Variants in CCDC172 observed in about 807,000 individuals in gnomAD.
CCDC172 encodes coiled-coil domain containing 172, also known as coiled-coil domain-containing protein 172.
Under a neutral mutation model 38.0 loss-of-function variants are expected in CCDC172, and 30 were observed. The observed-to-expected ratio is 0.79, with a 90% CI of 0.59 to 1.07. The LOEUF is 1.07. Ranked by LOEUF, CCDC172 falls within the 50% of genes least tolerant of loss-of-function variation. CCDC172 has a pLI of 0.00. For missense variants in CCDC172, 297 were observed against 290.1 expected (o/e 1.02, Z -0.17); for synonymous variants, 78 against 88.3 (o/e 0.88, Z 0.66).
intron 3 of CCDC172, among the ~76,000 whole-genome samples, chr10:116,332,979 CTTTT>C (rs1844684119): frequency 6.6e-6 from 1 of 152,006 alleles, no homozygotes; most frequent in Admixed American, 6.6e-5. Context: ...GTTGTCTTCT[CTTTT>C]TTAACACTCT....
At chr10:116,330,729 TG>T (rs1465802089) in intron 3 of CCDC172, among the ~76,000 whole-genome samples, 1 of 152,142 alleles carries the variant, frequency 6.6e-6, no homozygotes, top group African/African-American at 2.4e-5. Context: ...TTTAATTTTT[TG>T]TTTTTATTTA....
At chr10:116,325,808 T>C in intron 3 of CCDC172, among the ~76,000 whole-genome samples, 1 of 152,228 alleles carries the variant, frequency 6.6e-6, no homozygotes, top group East Asian at 1.9e-4. Flanking sequence ...TAAAAGTCTC[T>C]ACCACATTTT....
chr10:116,364,509 T>C (rs1443493158), intron 7 of CCDC172, among the ~76,000 whole-genome samples: 1 of 152,070 alleles, frequency 6.6e-6, no homozygotes, highest in Non-Finnish European at 1.5e-5. Flanking sequence ...AAGGTGTTCA[T>C]AGTAATATTA....
chr10:116,363,347 G>A (rs1845086448), intron 7 of CCDC172, among the ~76,000 whole-genome samples: 1 of 152,014 alleles, frequency 6.6e-6, no homozygotes, highest in Non-Finnish European at 1.5e-5. Context: ...TCTTGGCCTG[G>A]ACTGAAGGAA....
chr10:116,375,817 C>T (rs1316695140), intron 7 of CCDC172, among the ~76,000 whole-genome samples: 1 of 152,098 alleles, frequency 6.6e-6, no homozygotes, highest in East Asian at 1.9e-4. Flanking sequence ...CAAATCAAAA[C>T]CACAATGAAA....
intron 5 of CCDC172, among the ~76,000 whole-genome samples, chr10:116,350,656 T>C (rs1844920405): frequency 6.6e-6 from 1 of 152,036 alleles, no homozygotes; most frequent in Non-Finnish European, 1.5e-5. Flanking sequence ...TTCATTTTTC[T>C]TAGATGTGAG....
At chr10:116,339,994 T>G (rs1212685995) in intron 3 of CCDC172, among the ~76,000 whole-genome samples, 1 of 151,982 alleles carries the variant, frequency 6.6e-6, no homozygotes, top group Non-Finnish European at 1.5e-5. Context: ...TGAGGGCTAG[T>G]ACTGAACATA....
At chr10:116,331,933 T>G (rs1298880887) in intron 3 of CCDC172, among the ~76,000 whole-genome samples, 1 of 152,160 alleles carries the variant, frequency 6.6e-6, no homozygotes, top group Non-Finnish European at 1.5e-5. Context: ...TGACTCGTTT[T>G]CCACTCATGG....
intron 5 of CCDC172, among the ~76,000 whole-genome samples, chr10:116,343,235 T>G (rs1844817604): frequency 6.6e-6 from 1 of 152,174 alleles, no homozygotes; most frequent in Admixed American, 6.6e-5. Context: ...TGTAACTCCT[T>G]GAGTACATGT....
intron 5 of CCDC172, among the ~76,000 whole-genome samples, chr10:116,353,217 A>C (rs547233640): frequency 3.4e-4 from 52 of 152,152 alleles, no homozygotes; most frequent in African/African-American, 1.1e-3. Context: ...AAATGTGTAC[A>C]TCCACCTCAT....
At chr10:116,350,951 G>A (rs1462599715) in intron 5 of CCDC172, among the ~76,000 whole-genome samples, 2 of 152,046 alleles carry the variant, frequency 1.3e-5, no homozygotes, top group East Asian at 3.9e-4. Context: ...AGGAAAAAAA[G>A]TTATCACCAC....
At chr10:116,333,554 G>A (rs1844692232) in intron 3 of CCDC172, among the ~76,000 whole-genome samples, 1 of 152,136 alleles carries the variant, frequency 6.6e-6, no homozygotes, top group South Asian at 2.1e-4. Context: ...ATCCTAAGAT[G>A]TGTGGTGATA....
chr10:116,339,353 C>G (rs1844766796), intron 3 of CCDC172, among the ~76,000 whole-genome samples: 1 of 151,840 alleles, frequency 6.6e-6, no homozygotes, highest in Non-Finnish European at 1.5e-5. Flanking sequence ...ACATAATAAG[C>G]ATTAAATAGT....
At chr10:116,343,059 A>G (rs372032798) in intron 5 of CCDC172, among the ~76,000 whole-genome samples, 1 of 152,164 alleles carries the variant, frequency 6.6e-6, no homozygotes, top group African/African-American at 2.4e-5. Flanking sequence ...GGTTATTGCA[A>G]TCTTTGATAA....
intron 1 of CCDC172, 114 bp from the exon 2 acceptor site, chr10:116,324,833 G>GA: frequency 1.6e-6 from 1 of 612,988 alleles, no homozygotes. Flanking sequence ...AGACCCCTCA[G>GA]ACACCGTCTG....
In CCDC172 at chr10:116,374,296, C is replaced by G. The variant is rs576234119; in HGVS notation, c.654-4127C>G. On this transcript the variant is annotated intron_variant, in intron 7 of 8. Transcript: ENST00000333254. ...CCCGTAAGTGAAAAGATGAAAGTTTCTGACTTAAGAAGGAAAGGAAAAAAA... is the reference window on the plus strand; with the variant it reads ...CCCGTAAGTGAAAAGATGAAAGTTTGTGACTTAAGAAGGAAAGGAAAAAAA... Among the ~76,000 whole-genome samples, 9 of 152,188 alleles carry G rather than the reference C, an allele frequency of 5.9e-5. 1 individual carries two copies. The East Asian group carries it at 9.6e-4, about 16-fold the overall frequency.
chr10:116,342,226 G>A (rs1844804964), intron 5 of CCDC172, 25 bp downstream of exon 5: 1 of 1,508,470 alleles, frequency 6.6e-7, no homozygotes, highest in South Asian at 1.3e-5. Flanking sequence ...CACCTCATTT[G>A]TCTTGCATTA....
At chr10:116,324,690 C>T (rs1477653746) in intron 1 of CCDC172, 77 bp downstream of exon 1, 3 of 272,164 alleles carry the variant, frequency 1.1e-5, no homozygotes. Flanking sequence ...TCAGGGGTTC[C>T]GCCAGGGAAA....
rs746748725 is a variant in CCDC172, at chr10:116,325,097, GTATTTCT to G, written c.79+8_79+14del. On this transcript the variant is annotated splice_region_variant and intron_variant, in intron 2 of 8. Coordinates refer to ENST00000333254, the MANE Select transcript of CCDC172 (RefSeq NM_198515.3). ...CGCCGTTTGATGCGAGAAGGTCGGGGTATTTCTGTCCTTTGCATGGGGCCTTTTGTCT... is the reference window on the plus strand; with the variant it reads ...CGCCGTTTGATGCGAGAAGGTCGGGGGTCCTTTGCATGGGGCCTTTTGTCT... The G allele has an allele frequency of 3.1e-6, 5 of 1,613,564 alleles. No individual in the cohort carries two copies. Among genetic ancestry groups the G allele is most frequent in the Non-Finnish European group, 4.2e-6 (5 of 1,179,716 alleles).
Sources: gnomAD v4.1 joint callset for allele counts (sites outside exome capture counted in the v4.1 genomes callset) on GRCh38, gnomAD v4.1.1 for gene constraint, MANE v1.5 for transcripts, NCBI Gene and HGNC (gene_info 2026-07-23, HGNC 2026-07-21) for gene names.